SEMA3A: variants seen among roughly 807,000 people sequenced by gnomAD.
SEMA3A encodes semaphorin-3A.
In SEMA3A, 29 loss-of-function variants were observed where a neutral mutation model predicts 97.9. That is an observed-to-expected ratio of 0.30 (90% confidence interval 0.22 to 0.40). SEMA3A has a LOEUF of 0.40. SEMA3A is among the 10% of genes least tolerant of loss of function. The pLI is 1.00. For synonymous variants in SEMA3A, 321 were observed against 323.7 expected (o/e 0.99, Z 0.09); for missense variants, 763 against 951.3 (o/e 0.80, Z 2.60).
At chr7:84,491,487 T>G (rs571998575) in intron 1 of SEMA3A, among the ~76,000 whole-genome samples, 3 of 152,152 alleles carry the variant, frequency 2.0e-5, no homozygotes, top group Non-Finnish European at 4.4e-5. Flanking sequence ...GTAGGGCATA[T>G]GTTCTATGTG....
intron 4 of SEMA3A, among the ~76,000 whole-genome samples, chr7:84,100,401 C>T (rs1794924260): frequency 6.6e-6 from 1 of 152,138 alleles, no homozygotes; most frequent in Non-Finnish European, 1.5e-5. Context: ...AGCATCTTTG[C>T]CTCAGGTCTA....
chr7:84,038,636 T>C (rs1397773470), intron 6 of SEMA3A, among the ~76,000 whole-genome samples: 1 of 152,076 alleles, frequency 6.6e-6, no homozygotes, highest in African/African-American at 2.4e-5. Flanking sequence ...AGATTATAGT[T>C]GATGACCCCT....
chr7:84,279,242 G>C (rs1156977670), intron 3 of SEMA3A, among the ~76,000 whole-genome samples: 1 of 151,962 alleles, frequency 6.6e-6, no homozygotes, highest in Non-Finnish European at 1.5e-5. Context: ...CAGGTTACTT[G>C]GTCACTTAAG....
chr7:84,067,868 T>C (rs1197063169), intron 4 of SEMA3A, among the ~76,000 whole-genome samples: 2 of 149,832 alleles, frequency 1.3e-5, no homozygotes, highest in Non-Finnish European at 3.0e-5. Context: ...AGTGTGGCTA[T>C]TCCTCAGGGA....
chr7:84,128,921 G>T (rs1795876871), intron 3 of SEMA3A, among the ~76,000 whole-genome samples: 2 of 151,992 alleles, frequency 1.3e-5, no homozygotes, highest in South Asian at 2.1e-4. Context: ...TTAGGCTATG[G>T]TTATACTATG....
At chr7:84,407,458 G>A (rs923214893) in intron 1 of SEMA3A, among the ~76,000 whole-genome samples, 10 of 151,966 alleles carry the variant, frequency 6.6e-5, no homozygotes, top group East Asian at 5.8e-4. Flanking sequence ...CGTGAAAATG[G>A]TCATACTGCC....
intron 4 of SEMA3A, among the ~76,000 whole-genome samples, chr7:84,076,169 A>T (rs957715885): frequency 1.3e-5 from 2 of 152,190 alleles, no homozygotes; most frequent in African/African-American, 4.8e-5. Flanking sequence ...TATCTTTGTT[A>T]TGATAGATAG....
At chr7:84,154,280 T>C (rs929280817) in intron 1 of SEMA3A, among the ~76,000 whole-genome samples, 1 of 151,872 alleles carries the variant, frequency 6.6e-6, no homozygotes, top group African/African-American at 2.4e-5. Flanking sequence ...TGGGGGAAAA[T>C]AGTTTGGTGG....
chr7:84,257,749 C>T (rs1799750611), intron 3 of SEMA3A, among the ~76,000 whole-genome samples: 1 of 152,056 alleles, frequency 6.6e-6, no homozygotes, highest in African/African-American at 2.4e-5. Context: ...TTCATAAAGA[C>T]ACTACTTTTT....
At chr7:84,272,315 T>G (rs576458693) in intron 3 of SEMA3A, among the ~76,000 whole-genome samples, 1 of 152,176 alleles carries the variant, frequency 6.6e-6, no homozygotes, top group African/African-American at 2.4e-5. Context: ...TCAGTGACAA[T>G]CAAGGACATA....
At chr7:84,229,233 A>G (rs1449451472) in intron 3 of SEMA3A, among the ~76,000 whole-genome samples, 1 of 152,100 alleles carries the variant, frequency 6.6e-6, no homozygotes, top group East Asian at 1.9e-4. Context: ...CTTGATAATA[A>G]AACCAAATAA....
chr7:84,182,911 A>G (rs2116241785), intron 1 of SEMA3A, among the ~76,000 whole-genome samples: 1 of 152,270 alleles, frequency 6.6e-6, no homozygotes, highest in East Asian at 1.9e-4. Context: ...ATTTCTTTGA[A>G]AGACACACAC....
chr7:84,299,385 TAC>T (rs1562892106), intron 3 of SEMA3A, among the ~76,000 whole-genome samples: 4 of 139,008 alleles, frequency 2.9e-5, no homozygotes, highest in African/African-American at 8.2e-5. Context: ...TATATATATA[TAC>T]ACACATCTCC....
intron 2 of SEMA3A, among the ~76,000 whole-genome samples, chr7:84,311,810 C>T (rs1801328429): frequency 6.6e-6 from 1 of 152,034 alleles, no homozygotes; most frequent in Admixed American, 6.6e-5. Flanking sequence ...GATTTTCTCC[C>T]TTTGCAAGTA....
At chr7:84,140,331 G>GT (rs1324003970) in intron 1 of SEMA3A, among the ~76,000 whole-genome samples, 1 of 152,118 alleles carries the variant, frequency 6.6e-6, no homozygotes, top group African/African-American at 2.4e-5. Flanking sequence ...GTTTGCAAGA[G>GT]TGCCCAGAAC....
chr7:84,435,278 C>T (rs1805094452), intron 1 of SEMA3A, among the ~76,000 whole-genome samples: 1 of 151,924 alleles, frequency 6.6e-6, no homozygotes, highest in African/African-American at 2.4e-5. Flanking sequence ...CACACACACA[C>T]ACTACCTGGG....
At position 84,434,183 on chromosome 7, in the gene SEMA3A, A is replaced by AT. The variant is rs540692521; in HGVS notation, c.-246+58276dup. ...TCTCAGATAATTAGTGATGTGGATC[A>AT]TTTTTTCTTGTTTATTGGCTGTTTG... On this transcript the variant is annotated intron_variant, in intron 1 of 3. Transcript: ENST00000424555. Among the ~76,000 whole-genome samples, 940 of 151,650 alleles carry AT rather than the reference A, an allele frequency of 6.2e-3. 14 individuals carry two copies. Among genetic ancestry groups the AT allele is most frequent in the African/African-American group, 0.022 (891 of 41,352 alleles).
intron 14 of SEMA3A, among the ~76,000 whole-genome samples, chr7:83,980,430 C>A (rs1284501346): frequency 1.3e-5 from 2 of 151,082 alleles, no homozygotes; most frequent in Non-Finnish European, 2.9e-5. Flanking sequence ...CATGGTGAAA[C>A]CCTGTGTCTA....
chr7:84,461,241 C>T (rs895429304), intron 1 of SEMA3A, among the ~76,000 whole-genome samples: 3 of 152,070 alleles, frequency 2.0e-5, no homozygotes, highest in African/African-American at 7.2e-5. Flanking sequence ...TCTGCAGCTG[C>T]CTTATGTTTC....
Sources: gnomAD v4.1 joint callset for allele counts (sites outside exome capture counted in the v4.1 genomes callset) on GRCh38, gnomAD v4.1.1 for gene constraint, MANE v1.5 for transcripts, NCBI Gene and HGNC (gene_info 2026-07-23, HGNC 2026-07-21) for gene names.